Variants in USP48 observed in about 807,000 individuals in gnomAD.
USP48 encodes ubiquitin specific peptidase 48.
In USP48, 43 loss-of-function variants were observed where a neutral mutation model predicts 150.7. That is an observed-to-expected ratio of 0.29 (90% CI 0.22 to 0.37). The LOEUF (loss-of-function observed/expected upper bound fraction) is 0.37. USP48 is among the 10% of genes least tolerant of loss of function. The pLI is 1.00. For synonymous variants in USP48, 396 were observed against 425.9 expected, an observed-to-expected ratio of 0.93 and a Z score of 0.86; for missense variants, 813 against 1,249.6, an observed-to-expected ratio of 0.65 and a Z score of 5.27.
At chr1:21,699,007 C>T (rs973188711) in intron 22 of USP48, among the ~76,000 whole-genome samples, 1 of 152,040 alleles carries the variant, frequency 6.6e-6, no homozygotes, top group African/African-American at 2.4e-5. Context: ...AGTCCTGAAT[C>T]GGGATGGATA....
intron 2 of USP48, 139 bp downstream of exon 2, chr1:21,757,524 G>A (rs2097839944): frequency 1.2e-6 from 1 of 860,802 alleles, no homozygotes; most frequent in South Asian, 2.3e-5. Context: ...GTGGCTTAGA[G>A]TCTTAAGTTC....
At chr1:21,765,129 A>G (rs2097858633) in intron 1 of USP48, among the ~76,000 whole-genome samples, 1 of 152,248 alleles carries the variant, frequency 6.6e-6, no homozygotes, top group Non-Finnish European at 1.5e-5. Flanking sequence ...AACTTGAGTA[A>G]TAACAGCACA....
At chr1:21,730,767 C>CTT (rs202206884) in intron 9 of USP48, among the ~76,000 whole-genome samples, 34 of 143,298 alleles carry the variant, frequency 2.4e-4, no homozygotes, top group Non-Finnish European at 4.1e-4. Context: ...TATTTTTATT[C>CTT]TTTTTTTTTT....
rs369978502 is a variant in USP48 at position 21,743,177 on chromosome 1, G to C, written c.991+3890C>G. ...ACCTCATTTTGCAGGCTGTGGGTAAGGAAGAGGGGAAGAGAAAAGGAAAGG... is the reference window on the plus strand; with the variant it reads ...ACCTCATTTTGCAGGCTGTGGGTAACGAAGAGGGGAAGAGAAAAGGAAAGG... On this transcript the variant is annotated intron_variant, in intron 8 of 26. Transcript: ENST00000308271. Among the ~76,000 whole-genome samples the C allele has an allele frequency of 7.2e-5, 11 of 152,166 alleles. No individual in the cohort carries two copies. The East Asian group carries it at 1.7e-3, about 24-fold the overall frequency.
intron 25 of USP48, among the ~76,000 whole-genome samples, chr1:21,685,615 G>A (rs900557580): frequency 6.6e-6 from 1 of 152,026 alleles, no homozygotes; most frequent in Non-Finnish European, 1.5e-5. Flanking sequence ...GCGCCCAGCC[G>A]CTTTCTTGAT....
chr1:21,778,284 G>A (rs566010479), intron 1 of USP48, among the ~76,000 whole-genome samples: 12 of 152,002 alleles, frequency 7.9e-5, no homozygotes, highest in Non-Finnish European at 1.3e-4. Context: ...TACACAAAAA[G>A]ATGTTTAACG....
chr1:21,751,606 C>A lies in USP48; in HGVS notation c.675G>T (p.Gln225His), dbSNP rs1338359588. Reference sequence around the variant, plus strand: ...ACAAAAGCTTAGACTCTCTGCCACACTGGTTGCAACTATAATAAAACAGAA... The same window carrying A: ...ACAAAAGCTTAGACTCTCTGCCACAATGGTTGCAACTATAATAAAACAGAA... ...GEYAYVTVCN[Q>H]CGRESKLLSK... is the part of the protein sequence containing the mutation. Residue 225 changes from glutamine to histidine, a missense_variant, in exon 6 of 27, where the codon CAG (glutamine) becomes CAT (histidine). Transcript: ENST00000308271. The A allele has an allele frequency of 6.2e-7, 1 of 1,613,526 alleles. No homozygotes were observed. Among genetic ancestry groups the A allele is most frequent in the Non-Finnish European group, 8.5e-7 (1 of 1,179,634 alleles).
intron 1 of USP48, among the ~76,000 whole-genome samples, chr1:21,762,555 G>A (rs1167557581): frequency 6.6e-6 from 1 of 152,028 alleles, no homozygotes; most frequent in Non-Finnish European, 1.5e-5. Context: ...CCCTCCTCTT[G>A]GACAAGTGGG....
rs565699920 is a variant in USP48 at position 21,753,575 on chromosome 1, C to T, written c.413-456G>A. 2.3e-4 allele frequency among the ~76,000 whole-genome samples: 35 copies of T among 152,086 alleles called. No individual in the cohort carries two copies. The South Asian group carries it at 7.3e-3, about 32-fold the overall frequency. ...GGCACGGTGGCTCACACTCGTAATCCCCGCACTTTGGGAGGCAGAGGCGGG... is the reference window on the plus strand; with the variant it reads ...GGCACGGTGGCTCACACTCGTAATCTCCGCACTTTGGGAGGCAGAGGCGGG... On this transcript the variant is annotated intron_variant, in intron 3 of 26. Coordinates refer to ENST00000308271, the MANE Select transcript of USP48 (RefSeq NM_032236.8).
chr1:21,700,568 T>C (rs2097652490), intron 22 of USP48, among the ~76,000 whole-genome samples: 1 of 152,212 alleles, frequency 6.6e-6, no homozygotes, highest in African/African-American at 2.4e-5. Context: ...ACTTTCATTC[T>C]TTCAGGGAGA....
intron 21 of USP48, among the ~76,000 whole-genome samples, chr1:21,703,082 T>A (rs1049531358): frequency 3.3e-5 from 5 of 152,194 alleles, no homozygotes; most frequent in Admixed American, 6.5e-5. Context: ...CCAAGACGCC[T>A]CTCCTGTCTA....
At position 21,679,278 on chromosome 1, in the gene USP48, C is replaced by T. The variant is rs2097558904; in HGVS notation, c.*139G>A. 1.0e-6 allele frequency: 1 copy of T among 976,402 alleles called. No homozygotes were observed. The highest frequency in any genetic ancestry group is 1.6e-6 in the Non-Finnish European group (1 of 632,474). The allele number at this position is 976,402 out of a possible 1,614,324, so 60.5% of individuals were successfully genotyped here. ...TTTGACATAAGGCATTTGGGACAGT[C>T]ACGTTTGAATGGATTTCTGCCTTTT... On this transcript the variant is annotated 3_prime_UTR_variant, in exon 27 of 27. Coordinates refer to ENST00000308271, the MANE Select transcript of USP48 (RefSeq NM_032236.8).
chr1:21,774,077 G>A (rs909288377), intron 1 of USP48, among the ~76,000 whole-genome samples: 2 of 152,064 alleles, frequency 1.3e-5, no homozygotes, highest in Admixed American at 6.6e-5. Flanking sequence ...TACTCGGGAG[G>A]CTGAGGCAGG....
intron 3 of USP48, among the ~76,000 whole-genome samples, chr1:21,755,602 T>A (rs2097830809): frequency 6.6e-6 from 1 of 152,076 alleles, no homozygotes; most frequent in Non-Finnish European, 1.5e-5. Flanking sequence ...AATTATTGTG[T>A]AGCTTCTGTC....
chr1:21,716,952 C>G (rs188644296), intron 14 of USP48, among the ~76,000 whole-genome samples: 1 of 151,934 alleles, frequency 6.6e-6, no homozygotes, highest in Non-Finnish European at 1.5e-5. Flanking sequence ...GGCGGGAACC[C>G]GGGAGGCAGA....
intron 8 of USP48, among the ~76,000 whole-genome samples, chr1:21,744,339 G>A (rs1175699060): frequency 3.3e-5 from 5 of 151,764 alleles, no homozygotes; most frequent in Admixed American, 6.6e-5. Context: ...CCAGCTACTC[G>A]AGAGACTGAG....
At chr1:21,709,922 T>C (rs565508543) in intron 15 of USP48, among the ~76,000 whole-genome samples, 11 of 152,302 alleles carry the variant, frequency 7.2e-5, no homozygotes, top group South Asian at 6.2e-4. Context: ...TATAATTTCC[T>C]ATTATTCTAA....
chr1:21,704,192 A>G (rs968286974), intron 20 of USP48, 70 bp downstream of exon 20: 1 of 1,551,118 alleles, frequency 6.4e-7, no homozygotes, highest in Non-Finnish European at 8.7e-7. Context: ...AGCAGACAAC[A>G]CTGACACACC....
In USP48 at chr1:21,748,148, C is replaced by T; in HGVS notation, c.898G>A (p.Val300Ile). Residue 300 changes from valine to isoleucine, a missense_variant, in exon 7 of 27, where the codon GTC becomes ATC. Coordinates refer to ENST00000308271, the MANE Select transcript of USP48 (RefSeq NM_032236.8). ...CTLNLQLMRF[V>I]FDRQTGHKKK... ...TTTGCACACATTTACCTGTCAAAGA[C>T]AAAACGCATTAGCTGCAAGTTCAGA... is the stretch of plus-strand genomic sequence containing the variant. 1 of 1,613,430 alleles carries T rather than the reference C, an allele frequency of 6.2e-7. No individual in the cohort carries two copies. The highest frequency in any genetic ancestry group is 8.5e-7 in the Non-Finnish European group (1 of 1,179,734).
Sources: allele counts gnomAD v4.1 joint callset (sites outside exome capture counted in the v4.1 genomes callset), GRCh38; gene constraint gnomAD v4.1.1; transcripts MANE v1.5; gene names NCBI Gene and HGNC (gene_info 2026-07-23, HGNC 2026-07-21).